The following ARHGEF40 variants were observed in gnomAD, a reference collection of about 807,000 sequenced individuals.
ARHGEF40 encodes the protein Rho guanine nucleotide exchange factor 40.
ARHGEF40 carries 98 observed loss-of-function variants against 165.9 expected under a neutral mutation model. The observed-to-expected ratio is 0.59, with a 90% CI of 0.50 to 0.70. The LOEUF (loss-of-function observed/expected upper bound fraction) is 0.70, where lower values mean the gene tolerates loss of function less well. Ranked by LOEUF, ARHGEF40 falls within the 30% of genes least tolerant of loss-of-function variation. The pLI is 0.00. For missense variants in ARHGEF40, 1,815 were observed against 1,968.0 expected, an observed-to-expected ratio of 0.92 and a Z score of 1.47; for synonymous variants, 792 against 814.3, an observed-to-expected ratio of 0.97 and a Z score of 0.47.
chr14:21,085,030 A>G (rs1347145896), intron 18 of ARHGEF40, 107 bp downstream of exon 18: 16 of 1,379,006 alleles, frequency 1.2e-5, no homozygotes, highest in Non-Finnish European at 1.6e-5. Context: ...AATCTGCATC[A>G]TCTAGAATAG....
upstream of ARHGEF40, among the ~76,000 whole-genome samples, chr14:21,069,083 C>T (rs1886463891): frequency 1.3e-5 from 2 of 152,280 alleles, no homozygotes; most frequent in East Asian, 1.9e-4. Flanking sequence ...TTCCGATCTC[C>T]TCTCCTCTCC....
At chr14:21,068,967 A>T (rs961858900), upstream of ARHGEF40, among the ~76,000 whole-genome samples, 2 of 152,342 alleles carry the variant, frequency 1.3e-5, no homozygotes, top group South Asian at 4.1e-4. Flanking sequence ...AACTGCCCAG[A>T]GGCTCCGGCC....
At position 21,080,788 on chromosome 14, in the gene ARHGEF40, A is replaced by G. The variant is rs1275780356; in HGVS notation, c.2496+6A>G. 6.2e-7 allele frequency: 1 copy of G among 1,605,044 alleles called. No individual in the cohort carries two copies. Among genetic ancestry groups the G allele is most frequent in the Non-Finnish European group, 8.5e-7 (1 of 1,174,272 alleles). On this transcript the variant is annotated splice_donor_region_variant and intron_variant, in intron 12 of 23. Transcript: ENST00000298694. The stretch of plus-strand genomic sequence containing the variant: ...CTTTCAGCGCTGAGGTCCAGGTGAG[A>G]AGGGGCTGGAGGGCAGGTGAGAGGA...
rs976408986 is a variant in ARHGEF40 at position 21,073,724 on chromosome 14, A to G, written c.202-208A>G. 9.9e-5 allele frequency among the ~76,000 whole-genome samples: 15 copies of G among 152,144 alleles called. No individual in the cohort carries two copies. The highest frequency in any genetic ancestry group is 1.8e-4 in the Non-Finnish European group (12 of 68,030). On this transcript the variant is annotated intron_variant, in intron 2 of 23. Transcript: ENST00000298694. The surrounding 1 kb of genome is among the most constrained non-coding windows in gnomAD (Gnocchi z 4.6). ...TCCCACACATGGAACTAGCTTCCTG[A>G]AGAATCTTCCTACTACTGGGAGACC...
rs1476989470 is a variant in ARHGEF40, at chr14:21,082,274, T to G, written c.3282T>G (p.Ile1094Met). Reference protein sequence around the residue: ...SAQQRLVSELIACEQDYVATL... With the variant: ...SAQQRLVSELMACEQDYVATL... ...AGCAGCGGCTGGTGTCTGAGCTGAT[T>G]GCCTGTGAACAAGATTACGTGGCCA... Residue 1094 changes from isoleucine (I) to methionine (M), a missense_variant, in exon 15 of 24, where the codon ATT (isoleucine) becomes ATG (methionine). By Grantham distance (10) the Ile-to-Met change is conservative (BLOSUM62 1). Coordinates refer to ENST00000298694, the MANE Select transcript of ARHGEF40 (RefSeq NM_018071.5). 6.2e-7 allele frequency: 1 copy of G among 1,612,004 alleles called. No homozygotes were observed. Among genetic ancestry groups the G allele is most frequent in the Non-Finnish European group, 8.5e-7 (1 of 1,178,692 alleles).
intron 21 of ARHGEF40, 115 bp from the exon 22 acceptor site, chr14:21,087,853 T>G: frequency 7.0e-7 from 1 of 1,434,122 alleles, no homozygotes; most frequent in Non-Finnish European, 9.7e-7. Flanking sequence ...ATCGCTATGG[T>G]GACTCACAGC....
intron 19 of ARHGEF40, 94 bp from the exon 20 acceptor site, chr14:21,086,907 G>C: frequency 1.4e-6 from 1 of 724,226 alleles, no homozygotes; most frequent in Non-Finnish European, 2.0e-6. Flanking sequence ...GGGAAGGAAC[G>C]AAAAAAAAAA....
Position 21,070,497 on chromosome 14 carries a change from G to T in ARHGEF40, c.3+98G>T, listed in dbSNP as rs192490228. ...GCCTGGTGCCTCCCGAGCCTGCCTC[G>T]GACTGTTCGGCCCCTCTGGGACTCT... On this transcript the variant is annotated intron_variant, in intron 1 of 23. Transcript: ENST00000298694. This position sits in a 1 kb window ranked among gnomAD's most constrained non-coding sequence, Gnocchi z 4.7. 7 of 1,334,106 alleles carry T rather than the reference G, an allele frequency of 5.2e-6. No individual in the cohort carries two copies. The Admixed American group carries it at 1.0e-4, about 20-fold the overall frequency. 82.6% of individuals were successfully genotyped at this position (1,334,106 alleles called of 1,614,324 possible).
intron 19 of ARHGEF40, chr14:21,086,489 G>GT (rs1185139243): frequency 6.5e-6 from 1 of 153,222 alleles, no homozygotes; most frequent in Non-Finnish European, 1.5e-5. Context: ...ACCTGGACTA[G>GT]TTTTTTGTTT....
Position 21,073,839 on chromosome 14 carries a change from C to A in ARHGEF40, c.202-93C>A. On this transcript the variant is annotated intron_variant, in intron 2 of 23. Transcript: ENST00000298694. This position sits in a 1 kb window ranked among gnomAD's most constrained non-coding sequence, Gnocchi z 4.6. ...AGAGTATAACCTTCCAGGCATAAGG[C>A]TGGTCCTGCCTAGGGTGGGCCCATT... 1 of 1,409,734 alleles carries A rather than the reference C, an allele frequency of 7.1e-7. No individual in the cohort carries two copies. The highest frequency in any genetic ancestry group is 9.6e-7 in the Non-Finnish European group (1 of 1,043,978). The allele number at this position is 1,409,734 out of a possible 1,614,324, so 87.3% of individuals were successfully genotyped here. A position where few individuals can be genotyped will look rare whatever the true frequency, so the allele number is the denominator to read the frequency against.
At chr14:21,063,314 C>T in the ARHGEF40 span, among the ~76,000 whole-genome samples, 6 of 152,010 alleles carry the variant, frequency 3.9e-5, no homozygotes, top group Non-Finnish European at 5.9e-5. Context: ...TGCTATATTC[C>T]GCCAATTACA....
upstream of ARHGEF40, among the ~76,000 whole-genome samples, chr14:21,065,820 C>T (rs72671110): frequency 0.05 from 7,652 of 152,222 alleles, 247 homozygotes; most frequent in Non-Finnish European, 0.071. Flanking sequence ...AAGAAGGGGC[C>T]GAATGCAGTG....
Position 21,081,069 on chromosome 14 carries a change from C to T in ARHGEF40, c.2640+53C>T. On this transcript the variant is annotated intron_variant, in intron 13 of 23. Transcript: ENST00000298694. ...CCCCCCCATTTCCATTTATTCACTT[C>T]CTTTCTGCCTGGAGAGGCTAATCAA... The T allele has an allele frequency of 3.8e-6, 6 of 1,569,410 alleles. No individual in the cohort carries two copies. The South Asian group carries it at 5.9e-5, about 15-fold the overall frequency.
chr14:21,074,892 C>T lies in ARHGEF40; in HGVS notation c.1162C>T (p.Arg388Ter). ...GNRRKKRAAGRGALSRGGDSA... is the reference protein window; with the variant it reads ...GNRRKKRAAG ...CAGAAGAAAGAAGCGAGCTGCAGGT[C>T]GAGGGGCTCTTAGCCGAGGAGGGGA... Residue 388 changes from arginine to a stop codon, truncating the protein, a stop_gained, in exon 3 of 24, where the codon CGA (arginine) becomes TGA (stop). Transcript: ENST00000298694. LOFTEE classifies it high-confidence loss of function. The surrounding 1 kb of genome is among the most constrained non-coding windows in gnomAD (Gnocchi z 4.8). 11 of 1,610,286 alleles carry T rather than the reference C, an allele frequency of 6.8e-6. No individual in the cohort carries two copies. The highest frequency in any genetic ancestry group is 1.3e-5 in the African/African-American group (1 of 74,826).
intron 8 of ARHGEF40, 75 bp from the exon 9 acceptor site, chr14:21,078,102 C>T: frequency 1.5e-6 from 2 of 1,371,310 alleles, no homozygotes; most frequent in Non-Finnish European, 9.9e-7. Context: ...TCTGGGGCTA[C>T]CGCACCCCAA....
chr14:21,079,570 T>C (rs1323102007), intron 11 of ARHGEF40, among the ~76,000 whole-genome samples: 1 of 152,100 alleles, frequency 6.6e-6, no homozygotes, highest in Non-Finnish European at 1.5e-5. Flanking sequence ...AAGAGCCCCA[T>C]AGGGATTTGC....
the ARHGEF40 span, among the ~76,000 whole-genome samples, chr14:21,064,562 A>G: frequency 6.6e-6 from 1 of 152,134 alleles, no homozygotes; most frequent in Admixed American, 6.5e-5. Context: ...TCGGCCTCCC[A>G]AAGTCCTGGG....
Position 21,073,905 on chromosome 14 carries a change from A to G in ARHGEF40, c.202-27A>G, listed in dbSNP as rs1186083415. Reference sequence around the variant, plus strand: ...TGCTGGTTTCTTCAGCAGAGGCCTGAGTGCAGCCTCCCACCTCTCTCCCCA... The same window carrying G: ...TGCTGGTTTCTTCAGCAGAGGCCTGGGTGCAGCCTCCCACCTCTCTCCCCA... On this transcript the variant is annotated intron_variant, in intron 2 of 23. Coordinates refer to ENST00000298694, the MANE Select transcript of ARHGEF40 (RefSeq NM_018071.5). The surrounding 1 kb of genome is among the most constrained non-coding windows in gnomAD (Gnocchi z 4.6). 1 of 1,571,378 alleles carries G rather than the reference A, an allele frequency of 6.4e-7. No homozygotes were observed. Among genetic ancestry groups the G allele is most frequent in the Admixed American group, 1.7e-5 (1 of 58,470 alleles).
intron 16 of ARHGEF40, among the ~76,000 whole-genome samples, chr14:21,083,479 G>A (rs1888095015): frequency 1.3e-5 from 2 of 152,170 alleles, no homozygotes; most frequent in Admixed American, 1.3e-4. Flanking sequence ...GAACCTGGGA[G>A]GCGGAGCTTG....
Sources: gnomAD v4.1 joint callset for allele counts (sites outside exome capture counted in the v4.1 genomes callset) on GRCh38, gnomAD v4.1.1 for gene constraint, Gnocchi (gnomAD v3.1) non-coding constraint, MANE v1.5 for transcripts, NCBI Gene and HGNC (gene_info 2026-07-23, HGNC 2026-07-21) for gene names.